The following SLA variants were observed in gnomAD, a reference collection of about 807,000 sequenced individuals.
The protein encoded by SLA is Src like adaptor.
SLA carries 16 observed loss-of-function variants against 30.3 expected under a neutral mutation model. The observed-to-expected ratio is 0.53, with a 90% CI of 0.36 to 0.80. The LOEUF is 0.80. Among genes scored for constraint, SLA ranks in the 30% least tolerant of loss-of-function variants. SLA has a pLI of 0.01. For synonymous variants in SLA, 143 were observed against 137.8 expected (o/e 1.04, Z -0.26); for missense variants, 310 against 345.2 (o/e 0.90, Z 0.81).
intron 1 of SLA, chr8:133,096,285 C>G: frequency 6.2e-7 from 1 of 1,614,218 alleles, no homozygotes; most frequent in Non-Finnish European, 8.5e-7. Context: ...CCAGCCAGAG[C>G]ACTGAAGAGG....
chr8:133,079,239 T>C (rs368540268), intron 1 of SLA, among the ~76,000 whole-genome samples: 32 of 152,298 alleles, frequency 2.1e-4, no homozygotes, highest in East Asian at 1.9e-3. Flanking sequence ...CCCAGTACCA[T>C]CTGTGTAGGA....
At chr8:133,055,318 C>A (rs1841172370) in intron 3 of SLA, among the ~76,000 whole-genome samples, 1 of 151,174 alleles carries the variant, frequency 6.6e-6, no homozygotes, top group African/African-American at 2.4e-5. Flanking sequence ...GGGGTCAAAG[C>A]AGGCCTGACT....
At chr8:133,077,941 C>T (rs1845159740) in intron 1 of SLA, among the ~76,000 whole-genome samples, 1 of 151,998 alleles carries the variant, frequency 6.6e-6, no homozygotes, top group African/African-American at 2.4e-5. Flanking sequence ...CAAAAATTGC[C>T]CCCAGTTGAG....
At chr8:133,039,501 T>G (rs911610516) in intron 8 of SLA, among the ~76,000 whole-genome samples, 1 of 152,202 alleles carries the variant, frequency 6.6e-6, no homozygotes, top group East Asian at 1.9e-4. Flanking sequence ...AATCCCAAAC[T>G]ACAGATATCC....
Position 133,047,947 on chromosome 8 carries a change from A to G in SLA, c.249-14T>C, listed in dbSNP as rs774852076. 2 of 1,543,232 alleles carry G rather than the reference A, an allele frequency of 1.3e-6. No individual in the cohort carries two copies. The highest frequency in any genetic ancestry group is 1.8e-6 in the Non-Finnish European group (2 of 1,117,864). On this transcript the variant is annotated splice_polypyrimidine_tract_variant and intron_variant, in intron 5 of 8. Coordinates refer to ENST00000338087, the MANE Select transcript of SLA (RefSeq NM_001045556.3). ...TCAAACAGCCAGCTGGGAAGGAGGA[A>G]GACAGCCATTAGGATCCGGAACAAG...
chr8:133,095,871 A>G (rs1312780566), intron 1 of SLA, among the ~76,000 whole-genome samples: 1 of 152,120 alleles, frequency 6.6e-6, no homozygotes, highest in African/African-American at 2.4e-5. Flanking sequence ...GGTGAATTTC[A>G]CCTGTCAGAG....
chr8:133,046,928 AGT>A (rs1370858568), intron 6 of SLA, among the ~76,000 whole-genome samples: 2 of 152,226 alleles, frequency 1.3e-5, no homozygotes, highest in Non-Finnish European at 2.9e-5. Flanking sequence ...ACTCTCAGAT[AGT>A]GTGTTTTCTC....
In SLA at chr8:133,059,676, C is replaced by T. The variant is rs1842081754; in HGVS notation, c.61+424G>A. 2.6e-5 allele frequency among the ~76,000 whole-genome samples: 4 copies of T among 152,180 alleles called. No homozygotes were observed. In the South Asian group the frequency reaches 8.3e-4, roughly 32 times the overall value. Reference sequence around the variant, plus strand: ...TAACACAGATCCAGCTCTTGCGGGGCTAAGTATAAGGATGATATTATATTA... The same window carrying T: ...TAACACAGATCCAGCTCTTGCGGGGTTAAGTATAAGGATGATATTATATTA... On this transcript the variant is annotated intron_variant, in intron 3 of 8. Coordinates refer to ENST00000338087, the MANE Select transcript of SLA (RefSeq NM_001045556.3).
At chr8:133,074,800 A>G (rs1208014264) in intron 2 of SLA, 53 bp downstream of exon 2, 4 of 954,520 alleles carry the variant, frequency 4.2e-6, no homozygotes, top group Non-Finnish European at 5.0e-6. Context: ...TGCGTGTTGA[A>G]GAGGCCCTGA....
intron 5 of SLA, among the ~76,000 whole-genome samples, chr8:133,048,193 T>C (rs1340696826): frequency 6.6e-6 from 1 of 152,060 alleles, no homozygotes; most frequent in East Asian, 1.9e-4. Context: ...CATAACCACC[T>C]CACTTCACTG....
chr8:133,045,108 G>A lies in SLA; in HGVS notation c.360C>T (p.Tyr120=). 6.2e-7 allele frequency: 1 copy of A among 1,614,204 alleles called. No individual in the cohort carries two copies. Among genetic ancestry groups the A allele is most frequent in the Non-Finnish European group, 8.5e-7 (1 of 1,180,022 alleles). Residue 120 remains tyrosine (Y), a synonymous_variant, in exon 7 of 9, where the codon TAC becomes TAT. Transcript: ENST00000338087. The part of the protein sequence containing the change: ...IRESETKKGF[Y]SLSVRHRQVK... ...CCTGCCTGTGTCTCACCGACAGTGA[G>A]TAAAACCCTGCAGGAGGTGGAGGAT... is the stretch of plus-strand genomic sequence containing the variant.
chr8:133,050,306 A>C (rs936391467), intron 4 of SLA: 2 of 396,888 alleles, frequency 5.0e-6, no homozygotes, highest in African/African-American at 4.0e-5. Context: ...ATGTTGATTT[A>C]TGCTCTGCAG....
chr8:133,089,547 C>A (rs1847166404), intron 1 of SLA, among the ~76,000 whole-genome samples: 1 of 152,322 alleles, frequency 6.6e-6, no homozygotes, highest in Non-Finnish European at 1.5e-5. Flanking sequence ...TTCTAAATCA[C>A]ATCTCTTACT....
At chr8:133,043,245 C>T (rs1006682848) in intron 7 of SLA, among the ~76,000 whole-genome samples, 3 of 152,128 alleles carry the variant, frequency 2.0e-5, no homozygotes, top group Admixed American at 2.0e-4. Context: ...TATTTTTGGC[C>T]TGGTAGCCTC....
At chr8:133,053,103 C>G (rs1049655878) in intron 3 of SLA, among the ~76,000 whole-genome samples, 2 of 152,178 alleles carry the variant, frequency 1.3e-5, no homozygotes, top group African/African-American at 4.8e-5. Context: ...CTGCCTGGAA[C>G]ACACCCTGCT....
At chr8:133,061,592 A>G (rs189594063) in intron 2 of SLA, among the ~76,000 whole-genome samples, 3 of 152,348 alleles carry the variant, frequency 2.0e-5, no homozygotes, top group African/African-American at 7.2e-5. Context: ...GGAAGGCCAC[A>G]TTCATAAATA....
rs866261213 is a variant in SLA, at chr8:133,090,703, A to G, written c.-319+11850T>C. Among the ~76,000 whole-genome samples, 6 of 152,224 alleles carry G rather than the reference A, an allele frequency of 3.9e-5. 1 individual carries two copies. The highest frequency in any genetic ancestry group is 1.3e-4 in the Admixed American group (2 of 15,286). On this transcript the variant is annotated intron_variant, in intron 1 of 8. Transcript: ENST00000338087. Reference sequence around the variant, plus strand: ...CTCCATTGTCTCCTTTAATCTGCACATCAGCTCTGTGAACGCTGATCATAA... The same window carrying G: ...CTCCATTGTCTCCTTTAATCTGCACGTCAGCTCTGTGAACGCTGATCATAA...
At chr8:133,049,813 C>T in intron 5 of SLA, 89 bp downstream of exon 5, 1 of 920,670 alleles carries the variant, frequency 1.1e-6, no homozygotes, top group Non-Finnish European at 1.8e-6. Flanking sequence ...CCTTCCTTAC[C>T]ACTATGAATG....
At chr8:133,069,440 G>A (rs1056592532) in intron 2 of SLA, among the ~76,000 whole-genome samples, 2 of 152,162 alleles carry the variant, frequency 1.3e-5, no homozygotes, top group African/African-American at 4.8e-5. Context: ...GTCTAATGGG[G>A]CTTGGTCTCT....
Sources: gnomAD v4.1 joint callset for allele counts (sites outside exome capture counted in the v4.1 genomes callset) on GRCh38, gnomAD v4.1.1 for gene constraint, MANE v1.5 for transcripts, NCBI Gene and HGNC (gene_info 2026-07-23, HGNC 2026-07-21) for gene names.